The following ENTHD1 variants were observed in gnomAD, a reference collection of about 807,000 sequenced individuals.
ENTHD1 encodes ENTH domain containing 1.
Under a neutral mutation model 39.1 loss-of-function variants are expected in ENTHD1, and 23 were observed. The observed-to-expected ratio is 0.59, with a 90% CI of 0.42 to 0.83. ENTHD1 has a LOEUF of 0.83. Ranked by LOEUF, ENTHD1 falls within the 40% of genes least tolerant of loss-of-function variation. The pLI, the probability that ENTHD1 is intolerant of heterozygous loss-of-function variation, is 0.00. For synonymous variants in ENTHD1, 230 were observed against 258.2 expected (o/e 0.89, Z 1.05); for missense variants, 624 against 705.4 (o/e 0.88, Z 1.31).
At chr22:39,892,027 C>T (rs1221769834) in intron 1 of ENTHD1, among the ~76,000 whole-genome samples, 2 of 152,090 alleles carry the variant, frequency 1.3e-5, no homozygotes, top group South Asian at 2.1e-4. Flanking sequence ...ATCTAGCTCT[C>T]ATAATTGTCA....
intron 5 of ENTHD1, among the ~76,000 whole-genome samples, chr22:39,779,084 T>C (rs560461907): frequency 1.2e-4 from 18 of 152,250 alleles, no homozygotes; most frequent in African/African-American, 4.1e-4. Context: ...TTTGGGAGGC[T>C]GAGGCAGGTG....
Position 39,887,697 on chromosome 22 carries a change from C to T in ENTHD1, c.52G>A (p.Glu18Lys). Residue 18 changes from glutamate to lysine, a missense_variant, in exon 2 of 7, where the codon GAA (glutamate) becomes AAA (lysine). Glu to Lys is a moderately conservative substitution (Grantham distance 56). Coordinates refer to ENST00000325157, the MANE Select transcript of ENTHD1 (RefSeq NM_152512.4). ...KNFVKNYSDA[E>K]IKVREATSND... ...GAAGTTGCTTCCCTGACTTTTATTTCAGCATCTGAGTAATTTTTCACAAAG... is the reference window on the plus strand; with the variant it reads ...GAAGTTGCTTCCCTGACTTTTATTTTAGCATCTGAGTAATTTTTCACAAAG... The T allele has an allele frequency of 6.3e-7, 1 of 1,595,280 alleles. No individual in the cohort carries two copies. Among genetic ancestry groups the T allele is most frequent in the African/African-American group, 1.4e-5 (1 of 73,832 alleles).
chr22:39,830,238 G>A (rs1165419989), intron 4 of ENTHD1, among the ~76,000 whole-genome samples: 1 of 152,078 alleles, frequency 6.6e-6, no homozygotes, highest in Admixed American at 6.5e-5. Context: ...ACCACGCCCG[G>A]TAATTTTCGT....
In ENTHD1 at chr22:39,828,793, C is replaced by T. The variant is rs191236843; in HGVS notation, c.711+7047G>A. 1.5e-3 allele frequency among the ~76,000 whole-genome samples: 230 copies of T among 152,180 alleles called. 2 individuals are homozygous for T. Among genetic ancestry groups the T allele is most frequent in the Middle Eastern group, 6.8e-3 (2 of 294 alleles). ...ATTAGCAAATCTAATAATAAAAATC[C>T]TGGGCAGTATATATAGAGAAAACAG... On this transcript the variant is annotated intron_variant, in intron 4 of 6. Coordinates refer to ENST00000325157, the MANE Select transcript of ENTHD1 (RefSeq NM_152512.4).
chr22:39,831,550 T>G (rs2065869031), intron 4 of ENTHD1, among the ~76,000 whole-genome samples: 1 of 152,064 alleles, frequency 6.6e-6, no homozygotes, highest in African/African-American at 2.4e-5. Flanking sequence ...AGGGGCCAGG[T>G]ACGGTGGCTC....
In ENTHD1 at chr22:39,744,075, G is replaced by T. The variant is rs1210769647; in HGVS notation, c.1428C>A (p.Gly476=). ...TTTCCTCTACATCAGAAGACACTGG[G>T]CCCCTAGAAGCAAAGGAGTGATGCA... ...AKLHHSFASR[G]PVSSDVEEND... The change falls in exon 7 of 7, where the codon GGC becomes GGA. Residue 476 remains glycine (G), a synonymous_variant. Transcript: ENST00000325157. 81 of 1,614,006 alleles carry T rather than the reference G, an allele frequency of 5.0e-5. No individual in the cohort carries two copies. The highest frequency in any genetic ancestry group is 6.4e-5 in the Non-Finnish European group (75 of 1,180,008).
At chr22:39,749,552 G>A (rs1369415631) in intron 6 of ENTHD1, among the ~76,000 whole-genome samples, 1 of 152,212 alleles carries the variant, frequency 6.6e-6, no homozygotes, top group African/African-American at 2.4e-5. Flanking sequence ...ATGAGCTAGA[G>A]ATATAAATCT....
At chr22:39,889,965 G>A (rs1444792746) in intron 1 of ENTHD1, among the ~76,000 whole-genome samples, 1 of 151,894 alleles carries the variant, frequency 6.6e-6, no homozygotes, top group Non-Finnish European at 1.5e-5. Flanking sequence ...AGGCTTGGTG[G>A]CACACACCTG....
chr22:39,762,785 G>C (rs1208524486), intron 6 of ENTHD1, among the ~76,000 whole-genome samples: 1 of 152,038 alleles, frequency 6.6e-6, no homozygotes, highest in African/African-American at 2.4e-5. Context: ...CTAGTATTCT[G>C]ATGAAATTCT....
intron 4 of ENTHD1, among the ~76,000 whole-genome samples, chr22:39,831,596 G>T (rs938415917): frequency 6.6e-6 from 1 of 152,130 alleles, no homozygotes; most frequent in Non-Finnish European, 1.5e-5. Context: ...AAGCCAAGGC[G>T]GGCGGATCAC....
intron 5 of ENTHD1, among the ~76,000 whole-genome samples, chr22:39,795,371 C>T (rs1009287557): frequency 6.6e-6 from 1 of 151,784 alleles, no homozygotes; most frequent in Non-Finnish European, 1.5e-5. Flanking sequence ...AATTTGGCAG[C>T]GAAGCCATCT....
chr22:39,832,614 A>C (rs189648156), intron 4 of ENTHD1, among the ~76,000 whole-genome samples: 20 of 152,308 alleles, frequency 1.3e-4, no homozygotes, highest in Non-Finnish European at 2.4e-4. Flanking sequence ...AGTTAAGTAG[A>C]TACTATGTCT....
rs1191662818 is a variant in ENTHD1, at chr22:39,867,564, C to A, written c.350-5557G>T. 6.6e-6 allele frequency among the ~76,000 whole-genome samples: 1 copy of A among 152,108 alleles called. No homozygotes were observed. Among genetic ancestry groups the A allele is most frequent in the African/African-American group, 2.4e-5 (1 of 41,418 alleles). On this transcript the variant is annotated intron_variant, in intron 2 of 6. Transcript: ENST00000325157. The surrounding 1 kb of genome is among the most constrained non-coding windows in gnomAD (Gnocchi z 4.5). Reference sequence around the variant, plus strand: ...CTCTCCTCTTCATCTTGATTCAGACCTTGATCATTTGTTGCCTGTGGTGTC... The same window carrying A: ...CTCTCCTCTTCATCTTGATTCAGACATTGATCATTTGTTGCCTGTGGTGTC...
chr22:39,753,541 C>T (rs747135090), intron 6 of ENTHD1, among the ~76,000 whole-genome samples: 9 of 152,148 alleles, frequency 5.9e-5, no homozygotes, highest in Admixed American at 2.0e-4. Flanking sequence ...TATGAGCATA[C>T]AAGAATTTTT....
At chr22:39,757,035 T>G (rs2065190825) in intron 6 of ENTHD1, among the ~76,000 whole-genome samples, 1 of 151,314 alleles carries the variant, frequency 6.6e-6, no homozygotes, top group Admixed American at 6.6e-5. Flanking sequence ...AAAAGCCTTC[T>G]GGGACTGCAT....
intron 2 of ENTHD1, among the ~76,000 whole-genome samples, chr22:39,885,891 G>A (rs1254056186): frequency 6.6e-6 from 1 of 152,068 alleles, no homozygotes; most frequent in African/African-American, 2.4e-5. Flanking sequence ...GGTGATGGCC[G>A]CACAACACTG....
chr22:39,805,694 G>C (rs2146623582), intron 5 of ENTHD1, among the ~76,000 whole-genome samples: 1 of 152,314 alleles, frequency 6.6e-6, no homozygotes, highest in South Asian at 2.1e-4. Flanking sequence ...TCAAGAGCAA[G>C]AGGGAGAAAA....
At chr22:39,854,315 T>C (rs569720243) in intron 3 of ENTHD1, among the ~76,000 whole-genome samples, 2 of 152,330 alleles carry the variant, frequency 1.3e-5, no homozygotes, top group South Asian at 2.1e-4. Context: ...ACAGCAATGA[T>C]AGTTTTCAGG....
At chr22:39,855,928 A>T (rs1277149764) in intron 3 of ENTHD1, among the ~76,000 whole-genome samples, 1 of 152,146 alleles carries the variant, frequency 6.6e-6, no homozygotes. Flanking sequence ...CCTTCTAACT[A>T]ATCTACCTAT....
Sources: gnomAD v4.1 joint callset for allele counts (sites outside exome capture counted in the v4.1 genomes callset) on GRCh38, gnomAD v4.1.1 for gene constraint, Gnocchi (gnomAD v3.1) non-coding constraint, MANE v1.5 for transcripts, NCBI Gene and HGNC (gene_info 2026-07-23, HGNC 2026-07-21) for gene names.